The following PDE4DIP variants were observed in gnomAD, a reference collection of about 807,000 sequenced individuals.
PDE4DIP encodes phosphodiesterase 4D interacting protein, also known as myomegalin.
PDE4DIP carries 59 observed loss-of-function variants against 221.4 expected under a neutral mutation model. The ratio of observed to expected loss-of-function variants is 0.27; its 90% confidence interval spans 0.22 to 0.33. The LOEUF (loss-of-function observed/expected upper bound fraction) is 0.33, where lower values mean the gene tolerates loss of function less well. Among genes scored for constraint, PDE4DIP ranks in the 10% least tolerant of loss-of-function variants. The pLI is 1.00. For synonymous variants in PDE4DIP, 404 were observed against 815.9 expected (o/e 0.50, Z 8.60); for missense variants, 1,036 against 2,154.2 (o/e 0.48, Z 10.28).
chr1:148,824,288 C>T (rs1335891189), intron 1 of PDE4DIP, among the ~76,000 whole-genome samples: 2 of 149,794 alleles, frequency 1.3e-5, no homozygotes, highest in African/African-American at 5.0e-5. Context: ...CGGTATTTGG[C>T]AGGCTTTAGT....
chr1:148,955,477 A>C (rs1433214332), intron 5 of PDE4DIP, among the ~76,000 whole-genome samples: 9 of 152,188 alleles, frequency 5.9e-5, no homozygotes, highest in Admixed American at 3.3e-4. Context: ...AGGATTTTAA[A>C]GATCATCTTC....
chr1:149,029,739 G>A (rs782008394), intron 41 of PDE4DIP, 48 bp from the exon 45 acceptor site: 1 of 910,388 alleles, frequency 1.1e-6, no homozygotes, highest in Non-Finnish European at 1.8e-6. Flanking sequence ...AGCACAGGGT[G>A]CTTTAGGCCT....
At chr1:148,996,708 CAA>C (rs1358110210) in intron 22 of PDE4DIP, among the ~76,000 whole-genome samples, 2 of 152,204 alleles carry the variant, frequency 1.3e-5, no homozygotes, top group African/African-American at 4.8e-5. Flanking sequence ...CGGGGAATAG[CAA>C]AAGTCAGTGG....
At chr1:149,007,091 G>A (rs2067260242) in intron 27 of PDE4DIP, 110 bp from the exon 31 acceptor site, 1 of 652,864 alleles carries the variant, frequency 1.5e-6, no homozygotes, top group South Asian at 1.9e-5. Context: ...TCAGCTTGGG[G>A]GAGTTCCTTA....
chr1:148,815,547 C>CA (rs3978512), intron 1 of PDE4DIP, among the ~76,000 whole-genome samples: 4,532 of 26,718 alleles, frequency 0.17, 240 homozygotes, highest in Middle Eastern at 0.27. Flanking sequence ...GACTCTGTCT[C>CA]AAAAAAAAAA....
intron 37 of PDE4DIP, among the ~76,000 whole-genome samples, chr1:149,023,648 ATG>A (rs2073927959): frequency 7.4e-6 from 1 of 134,516 alleles, no homozygotes; most frequent in Non-Finnish European, 1.6e-5. Flanking sequence ...GCACATATAT[ATG>A]TACATGTATA....
intron 6 of PDE4DIP, among the ~76,000 whole-genome samples, chr1:148,961,614 G>T (rs1698650): frequency 6.8e-6 from 1 of 147,148 alleles, no homozygotes; most frequent in Non-Finnish European, 1.5e-5. Flanking sequence ...ATCACAGTGC[G>T]TGAAAATTGA....
In PDE4DIP at chr1:149,010,958, A is replaced by G. The variant is rs1174850110; in HGVS notation, c.5080+363A>G. Among the ~76,000 whole-genome samples, 3 of 138,054 alleles carry G rather than the reference A, an allele frequency of 2.2e-5. No homozygotes were observed. The East Asian group carries it at 6.7e-4, about 31-fold the overall frequency. 90.6% of individuals were successfully genotyped at this position (138,054 alleles called of 152,430 possible). A position where few individuals can be genotyped will look rare whatever the true frequency, so the allele number is the denominator to read the frequency against. ...AAATTCACATCTGTTGATCCACTGT[A>G]TGTGTTACCCATTAAATCTGCATGG... On this transcript the variant is annotated intron_variant, in intron 31 of 43. Transcript: ENST00000369354.
At chr1:148,948,328 T>G (rs1298813348) in intron 5 of PDE4DIP, among the ~76,000 whole-genome samples, 1 of 152,188 alleles carries the variant, frequency 6.6e-6, no homozygotes, top group South Asian at 2.1e-4. Flanking sequence ...CATGCCTTCC[T>G]CCAATCATAA....
chr1:148,820,440 C>T (rs868986725), intron 1 of PDE4DIP, among the ~76,000 whole-genome samples: 1 of 148,470 alleles, frequency 6.7e-6, no homozygotes, highest in African/African-American at 2.5e-5. Flanking sequence ...TGGTGGCAGG[C>T]GCCTGTAATC....
Position 149,028,719 on chromosome 1 carries a change from C to T in PDE4DIP, c.6813+16C>T, listed in dbSNP as rs782670868. 3 of 1,503,984 alleles carry T rather than the reference C, an allele frequency of 2.0e-6. No individual in the cohort carries two copies. The highest frequency in any genetic ancestry group is 1.8e-6 in the Non-Finnish European group (2 of 1,091,822). The allele number at this position is 1,503,984 out of a possible 1,614,324, so 93.2% of individuals were successfully genotyped here. A position where few individuals can be genotyped will look rare whatever the true frequency, so the allele number is the denominator to read the frequency against. On this transcript the variant is annotated intron_variant, in intron 41 of 43. Coordinates refer to ENST00000369354, the Ensembl canonical transcript of PDE4DIP. The stretch of plus-strand genomic sequence containing the variant: ...TGGCAAAGTGGTAAGATGCCAGTGC[C>T]CTTTCTTGGTTCAAACCCAGTTCTC...
At chr1:148,929,453 G>C (rs1161970632) in intron 2 of PDE4DIP, 180 bp downstream of exon 5, 4 of 837,382 alleles carry the variant, frequency 4.8e-6, no homozygotes, top group Admixed American at 3.1e-5. Context: ...TCTATTACTA[G>C]GTCAGATGGA....
rs1317936160 is a variant in PDE4DIP, at chr1:148,991,810, A to T, written c.2816-75A>T. 3 of 634,140 alleles carry T rather than the reference A, an allele frequency of 4.7e-6. No individual in the cohort carries two copies. The Admixed American group carries it at 8.4e-5, about 18-fold the overall frequency. 39.3% of individuals were successfully genotyped at this position (634,140 alleles called of 1,614,324 possible). A position where few individuals can be genotyped will look rare whatever the true frequency, so the allele number is the denominator to read the frequency against. The stretch of plus-strand genomic sequence containing the variant: ...GAAGAAATCAGAGTCAGCGGGCAAA[A>T]AGAGTATAATTTAACCTGCTGTCTG... On this transcript the variant is annotated intron_variant, in intron 21 of 43. Transcript: ENST00000369354.
chr1:148,975,134 A>C (rs1553536272), intron 17 of PDE4DIP, among the ~76,000 whole-genome samples: 2 of 148,256 alleles, frequency 1.3e-5, no homozygotes, highest in Non-Finnish European at 1.5e-5. Flanking sequence ...TCGTGCCATC[A>C]CACTCCAGCC....
intron 5 of PDE4DIP, chr1:148,952,881 C>G: frequency 1.3e-6 from 2 of 1,528,586 alleles, no homozygotes; most frequent in East Asian, 2.3e-5. Context: ...GTTCTGCTTT[C>G]GCACGTCTTG....
At chr1:148,956,639 G>A (rs1454660983) in intron 5 of PDE4DIP, among the ~76,000 whole-genome samples, 1 of 151,382 alleles carries the variant, frequency 6.6e-6, no homozygotes, top group Non-Finnish European at 1.5e-5. Flanking sequence ...TTAGTAAACA[G>A]CAATGAGCTC....
intron 30 of PDE4DIP, 49 bp from the exon 34 acceptor site, chr1:149,010,394 A>G (rs782006901): frequency 2.5e-5 from 39 of 1,579,420 alleles, no homozygotes; most frequent in Admixed American, 3.4e-5. Flanking sequence ...CCAGGATTCC[A>G]GTTCTCTGTA....
chr1:148,952,219 C>T (rs1212875820), intron 5 of PDE4DIP: 24 of 1,026,960 alleles, frequency 2.3e-5, no homozygotes, highest in Non-Finnish European at 2.8e-5. Flanking sequence ...CTGCTCCGCA[C>T]TCGCCGTGAG....
intron 1 of PDE4DIP, among the ~76,000 whole-genome samples, chr1:148,911,934 T>C (rs1558773794): frequency 6.7e-6 from 1 of 149,140 alleles, no homozygotes; most frequent in Non-Finnish European, 1.5e-5. Context: ...TTTAATATAA[T>C]CACAGGAGTG....
Sources: allele counts gnomAD v4.1 joint callset (sites outside exome capture counted in the v4.1 genomes callset), GRCh38; gene constraint gnomAD v4.1.1; transcripts MANE v1.5; gene names NCBI Gene and HGNC (gene_info 2026-07-23, HGNC 2026-07-21).